GALNT15: variants seen among roughly 807,000 people sequenced by gnomAD.
The protein encoded by GALNT15 is UDP-GalNAc transferase T15.
Under a neutral mutation model 66.8 loss-of-function variants are expected in GALNT15, and 67 were observed. That is an observed-to-expected ratio of 1.00 (90% CI 0.82 to 1.23). The LOEUF is 1.23. GALNT15 is among the 50% of genes most tolerant of loss of function. The pLI is 0.00. For missense variants in GALNT15, 827 were observed against 804.3 expected (o/e 1.03, Z -0.34); for synonymous variants, 313 against 311.5 (o/e 1.00, Z -0.05).
intron 3 of GALNT15, among the ~76,000 whole-genome samples, chr3:16,201,207 C>T (rs551207530): frequency 2.0e-5 from 3 of 150,192 alleles, no homozygotes; most frequent in African/African-American, 4.9e-5. Context: ...TTTGTGATGG[C>T]GTCTCGCTCT....
At position 16,189,553 on chromosome 3, in the gene GALNT15, C is replaced by T. The variant is rs113883077; in HGVS notation, c.540-6207C>T. Among the ~76,000 whole-genome samples, 1 of 152,162 alleles carries T rather than the reference C, an allele frequency of 6.6e-6. No homozygotes were observed. The highest frequency in any genetic ancestry group is 2.4e-5 in the African/African-American group (1 of 41,428). On this transcript the variant is annotated intron_variant, in intron 1 of 9. Coordinates refer to ENST00000339732, the MANE Select transcript of GALNT15 (RefSeq NM_054110.5). The surrounding 1 kb of genome is among the most constrained non-coding windows in gnomAD (Gnocchi z 5.1). ...TTACCTGAAAAATAGTAACAGCTTC[C>T]AGTTATTGAAAGCCTGCTGTGGACA...
At position 16,203,126 on chromosome 3, in the gene GALNT15, C is replaced by T. The variant is rs757197776; in HGVS notation, c.911+2303C>T. The stretch of plus-strand genomic sequence containing the variant: ...ACATGATATGTAAGGGCAGATAATT[C>T]GTAGCTGAGTCAGATTTTCTGACTC... On this transcript the variant is annotated intron_variant, in intron 3 of 9. Transcript: ENST00000339732. This position sits in a 1 kb window ranked among gnomAD's most constrained non-coding sequence, Gnocchi z 6.2. 6.6e-6 allele frequency among the ~76,000 whole-genome samples: 1 copy of T among 152,068 alleles called. No individual in the cohort carries two copies. The highest frequency in any genetic ancestry group is 2.4e-5 in the African/African-American group (1 of 41,384).
chr3:16,200,850 C>A lies in GALNT15; in HGVS notation c.911+27C>A, dbSNP rs773835557. The A allele has an allele frequency of 7.1e-6, 11 of 1,560,270 alleles. No individual in the cohort carries two copies. Among genetic ancestry groups the A allele is most frequent in the Non-Finnish European group, 9.6e-6 (11 of 1,148,426 alleles). ...TAACTTATTCCCTGGGCTTGCAAAG[C>A]AAGACATGGAACTGGGAGAAACAGT... On this transcript the variant is annotated intron_variant, in intron 3 of 9. Coordinates refer to ENST00000339732, the MANE Select transcript of GALNT15 (RefSeq NM_054110.5). The surrounding 1 kb of genome is among the most constrained non-coding windows in gnomAD (Gnocchi z 4.4).
intron 6 of GALNT15, among the ~76,000 whole-genome samples, chr3:16,215,062 A>G (rs1311378103): frequency 6.6e-6 from 1 of 152,196 alleles, no homozygotes; most frequent in Non-Finnish European, 1.5e-5. Flanking sequence ...TAAATGTTGC[A>G]TAGTTTTTGA....
rs2063922268 is a variant in GALNT15 at position 16,219,833 on chromosome 3, C to G, written c.1525-77C>G. The G allele has an allele frequency of 1.6e-6, 2 of 1,222,944 alleles. No individual in the cohort carries two copies. The highest frequency in any genetic ancestry group is 2.4e-6 in the Non-Finnish European group (2 of 825,472). The allele number at this position is 1,222,944 out of a possible 1,614,324, so 75.8% of individuals were successfully genotyped here. A position where few individuals can be genotyped will look rare whatever the true frequency, so the allele number is the denominator to read the frequency against. On this transcript the variant is annotated intron_variant, in intron 7 of 9. Coordinates refer to ENST00000339732, the MANE Select transcript of GALNT15 (RefSeq NM_054110.5). The surrounding 1 kb of genome is among the most constrained non-coding windows in gnomAD (Gnocchi z 4.3). ...TTGGGCTGCACTCCAGAGAATACAGCAAAGGAATGGTGTCTGACCGAGGGT... is the reference window on the plus strand; with the variant it reads ...TTGGGCTGCACTCCAGAGAATACAGGAAAGGAATGGTGTCTGACCGAGGGT...
Position 16,175,526 on chromosome 3 carries a change from G to T in GALNT15, c.375G>T (p.Arg125Ser), listed in dbSNP as rs2063397218. The change falls in exon 1 of 10, where the codon AGG becomes AGT. Residue 125 changes from arginine to serine, a missense_variant. Physicochemically the swap from Arg to Ser is moderately radical, Grantham distance 110. Coordinates refer to ENST00000339732, the MANE Select transcript of GALNT15 (RefSeq NM_054110.5). The surrounding 1 kb of genome is among the most constrained non-coding windows in gnomAD (Gnocchi z 5.6). ...GSYRLIKQPRRQDKEAPKRDW... is the reference protein window; with the variant it reads ...GSYRLIKQPRSQDKEAPKRDW... Reference sequence around the variant, plus strand: ...ACCGCCTCATCAAGCAGCCAAGGAGGCAGGATAAGGAAGCCCCAAAGAGGG... The same window carrying T: ...ACCGCCTCATCAAGCAGCCAAGGAGTCAGGATAAGGAAGCCCCAAAGAGGG... 1.2e-6 allele frequency: 2 copies of T among 1,614,086 alleles called. No individual in the cohort carries two copies. The highest frequency in any genetic ancestry group is 1.7e-6 in the Non-Finnish European group (2 of 1,179,996).
In GALNT15 at chr3:16,186,139, T is replaced by C. The variant is rs921348429; in HGVS notation, c.540-9621T>C. Among the ~76,000 whole-genome samples the C allele has an allele frequency of 6.6e-6, 1 of 152,116 alleles. No homozygotes were observed. Among genetic ancestry groups the C allele is most frequent in the African/African-American group, 2.4e-5 (1 of 41,408 alleles). The stretch of plus-strand genomic sequence containing the variant: ...ACTCCATTTTAAAATGGGCAAAGGA[T>C]TTGAATAGACATTTCTTCAAAGAAG... On this transcript the variant is annotated intron_variant, in intron 1 of 9. Coordinates refer to ENST00000339732, the MANE Select transcript of GALNT15 (RefSeq NM_054110.5). This position sits in a 1 kb window ranked among gnomAD's most constrained non-coding sequence, Gnocchi z 5.1.
rs973656612 is a variant in GALNT15 at position 16,199,394 on chromosome 3, C to T, written c.707-1225C>T. Among the ~76,000 whole-genome samples, 13 of 141,846 alleles carry T rather than the reference C, an allele frequency of 9.2e-5. 1 individual carries two copies. Among genetic ancestry groups the T allele is most frequent in the African/African-American group, 1.1e-4 (4 of 38,002 alleles). 93.1% of individuals were successfully genotyped at this position (141,846 alleles called of 152,430 possible). On this transcript the variant is annotated intron_variant, in intron 2 of 9. Coordinates refer to ENST00000339732, the MANE Select transcript of GALNT15 (RefSeq NM_054110.5). The stretch of plus-strand genomic sequence containing the variant: ...GTTTTTCATCTTCCGTTTTCTCTCC[C>T]GGACCCACTGTGTTGCAGACTCCCC...
chr3:16,244,873 C>G, the GALNT15 span, among the ~76,000 whole-genome samples: 1 of 152,186 alleles, frequency 6.6e-6, no homozygotes, highest in South Asian at 2.1e-4. Context: ...GCGGAGAAAC[C>G]TCTGGTGCCT....
chr3:16,183,469 T>G lies in GALNT15; in HGVS notation c.539+7779T>G, dbSNP rs2063488947. 6.6e-6 allele frequency among the ~76,000 whole-genome samples: 1 copy of G among 152,258 alleles called. No individual in the cohort carries two copies. Among genetic ancestry groups the G allele is most frequent in the Admixed American group, 6.5e-5 (1 of 15,292 alleles). ...ACTTGGCTCTGTGGGATTACTCCCC[T>G]GTTAATCTTGACAACCAACTTACAC... is the stretch of plus-strand genomic sequence containing the variant. On this transcript the variant is annotated intron_variant, in intron 1 of 9. Transcript: ENST00000339732. This position sits in a 1 kb window ranked among gnomAD's most constrained non-coding sequence, Gnocchi z 5.2.
intron 2 of GALNT15, among the ~76,000 whole-genome samples, chr3:16,196,334 C>T (rs1387438180): frequency 6.6e-6 from 1 of 152,182 alleles, no homozygotes; most frequent in Non-Finnish European, 1.5e-5. Flanking sequence ...CACATACGCA[C>T]ATATGTGTAT....
rs2063454678 is a variant in GALNT15, at chr3:16,180,201, G to A, written c.539+4511G>A. 6.6e-6 allele frequency among the ~76,000 whole-genome samples: 1 copy of A among 152,216 alleles called. No individual in the cohort carries two copies. Among genetic ancestry groups the A allele is most frequent in the African/African-American group, 2.4e-5 (1 of 41,460 alleles). ...AACATTTGCATTTCTGCAAACTCCT[G>A]GTACTGCTGCTGCTGCTGCTCCCAA... is the stretch of plus-strand genomic sequence containing the variant. On this transcript the variant is annotated intron_variant, in intron 1 of 9. Transcript: ENST00000339732. This position sits in a 1 kb window ranked among gnomAD's most constrained non-coding sequence, Gnocchi z 5.0.
chr3:16,192,392 C>G (rs1295145258), intron 1 of GALNT15, among the ~76,000 whole-genome samples: 19 of 152,234 alleles, frequency 1.2e-4, no homozygotes, highest in Non-Finnish European at 1.5e-4. Flanking sequence ...ACCCAGGGCT[C>G]TCTGTCCCAA....
chr3:16,227,530 T>C lies in GALNT15; in HGVS notation c.*30T>C, dbSNP rs1559696234. On this transcript the variant is annotated 3_prime_UTR_variant, in exon 10 of 10. Transcript: ENST00000339732. The surrounding 1 kb of genome is among the most constrained non-coding windows in gnomAD (Gnocchi z 4.5). ...CAATGTCAGAAGGAAAAGAGAATTT[T>C]GGCCATCAAAATCCAGCTCCAAGTG... The C allele has an allele frequency of 6.2e-7, 1 of 1,614,124 alleles. No individual in the cohort carries two copies. The highest frequency in any genetic ancestry group is 8.5e-7 in the Non-Finnish European group (1 of 1,179,976).
rs2063498950 is a variant in GALNT15, at chr3:16,184,413, C to T, written c.539+8723C>T. Among the ~76,000 whole-genome samples, 2 of 152,170 alleles carry T rather than the reference C, an allele frequency of 1.3e-5. No homozygotes were observed. Among genetic ancestry groups the T allele is most frequent in the South Asian group, 4.1e-4 (2 of 4,832 alleles). On this transcript the variant is annotated intron_variant, in intron 1 of 9. Transcript: ENST00000339732. This position sits in a 1 kb window ranked among gnomAD's most constrained non-coding sequence, Gnocchi z 5.0. Reference sequence around the variant, plus strand: ...GCTATGAATGTCTTTCCTTCAGTTCCTGGTACATGCCAGCCCTTTCCCACC... The same window carrying T: ...GCTATGAATGTCTTTCCTTCAGTTCTTGGTACATGCCAGCCCTTTCCCACC...
intron 2 of GALNT15, 104 bp downstream of exon 2, chr3:16,196,030 C>A (rs1247457697): frequency 1.7e-6 from 2 of 1,165,890 alleles, no homozygotes; most frequent in South Asian, 1.5e-5. Context: ...AGGCAAGATT[C>A]CCCAACTACA....
intron 1 of GALNT15, among the ~76,000 whole-genome samples, chr3:16,179,334 C>G (rs114670521): frequency 2.8e-3 from 422 of 152,302 alleles, no homozygotes; most frequent in Non-Finnish European, 5.1e-3. Flanking sequence ...CAAAGTCATA[C>G]TCTTAACCAC....
chr3:16,188,162 C>T lies in GALNT15; in HGVS notation c.540-7598C>T, dbSNP rs192793832. ...TCCCCCCAGACCATTATCCTGGCTC[C>T]GGCTGTATATACTTGTAAGGGGGCG... On this transcript the variant is annotated intron_variant, in intron 1 of 9. Coordinates refer to ENST00000339732, the MANE Select transcript of GALNT15 (RefSeq NM_054110.5). This position sits in a 1 kb window ranked among gnomAD's most constrained non-coding sequence, Gnocchi z 4.6. Among the ~76,000 whole-genome samples the T allele has an allele frequency of 1.3e-5, 2 of 152,264 alleles. No individual in the cohort carries two copies. The highest frequency in any genetic ancestry group is 3.9e-4 in the East Asian group (2 of 5,188).
the GALNT15 span, chr3:16,243,993 T>C: frequency 1.0e-6 from 1 of 985,322 alleles, no homozygotes. Flanking sequence ...TGATGACTTT[T>C]TCTTTCTCAG....
Sources: gnomAD v4.1 joint callset for allele counts (sites outside exome capture counted in the v4.1 genomes callset) on GRCh38, gnomAD v4.1.1 for gene constraint, Gnocchi (gnomAD v3.1) non-coding constraint, MANE v1.5 for transcripts, NCBI Gene and HGNC (gene_info 2026-07-23, HGNC 2026-07-21) for gene names.